Variants in JMJD6 observed in about 807,000 individuals in gnomAD.
The protein encoded by JMJD6 is jumonji domain containing 6, arginine demethylase and lysine hydroxylase, also known as bifunctional arginine demethylase and lysyl-hydroxylase JMJD6.
In JMJD6, 17 loss-of-function variants were observed where a neutral mutation model predicts 45.8. That is an observed-to-expected ratio of 0.37 (90% CI 0.25 to 0.56). JMJD6 has a LOEUF of 0.56. JMJD6 is among the 20% of genes least tolerant of loss of function. JMJD6 has a pLI of 0.79. For missense variants in JMJD6, 470 were observed against 517.5 expected, an observed-to-expected ratio of 0.91 and a Z score of 0.89; for synonymous variants, 221 against 196.3, an observed-to-expected ratio of 1.13 and a Z score of -1.05.
downstream of JMJD6, chr17:76,716,346 C>T (rs1221445527): frequency 3.9e-6 from 1 of 255,876 alleles, no homozygotes; most frequent in Non-Finnish European, 7.7e-6. Flanking sequence ...TTACCGACAT[C>T]CGTGAGGTAA....
rs2076831194 is a variant in JMJD6, at chr17:76,721,996, C to T, written c.806-63G>A. The T allele has an allele frequency of 3.2e-6, 5 of 1,566,242 alleles. No individual in the cohort carries two copies. In the East Asian group the frequency reaches 9.3e-5, roughly 29 times the overall value. On this transcript the variant is annotated intron_variant, in intron 3 of 5. Coordinates refer to ENST00000397625, the MANE Select transcript of JMJD6 (RefSeq NM_015167.3). ...TCCTATACCTAATTACTGTATAACA[C>T]ACACACCAGAAATTGGGAACTCCTA...
In JMJD6 at chr17:76,718,517, G is replaced by A. The variant is rs2076784533; in HGVS notation, c.*212C>T. ...TTCTTGGCACTATTCACATTCTCTT[G>A]CCTGAGTAAAACAAGCCGCGTTTAT... On this transcript the variant is annotated 3_prime_UTR_variant, in exon 6 of 6. Coordinates refer to ENST00000397625, the MANE Select transcript of JMJD6 (RefSeq NM_015167.3). The A allele has an allele frequency of 7.4e-7, 1 of 1,359,208 alleles. No homozygotes were observed. The highest frequency in any genetic ancestry group is 9.4e-7 in the Non-Finnish European group (1 of 1,059,150). The allele number at this position is 1,359,208 out of a possible 1,614,324, so 84.2% of individuals were successfully genotyped here. A position where few individuals can be genotyped will look rare whatever the true frequency, so the allele number is the denominator to read the frequency against.
chr17:76,716,477 G>A, downstream of JMJD6: 1 of 555,930 alleles, frequency 1.8e-6, no homozygotes, highest in Non-Finnish European at 3.2e-6. Context: ...GTTTCACTGA[G>A]CTGGCCGAGC....
At chr17:76,720,610 G>A in intron 4 of JMJD6, 112 bp from the exon 5 acceptor site, 5 of 1,033,776 alleles carry the variant, frequency 4.8e-6, no homozygotes, top group Non-Finnish European at 7.4e-6. Context: ...TGCCAGGTGT[G>A]TCCGTTCAGA....
At chr17:76,720,831 T>C (rs935051027) in intron 4 of JMJD6, among the ~76,000 whole-genome samples, 1 of 152,240 alleles carries the variant, frequency 6.6e-6, no homozygotes, top group Non-Finnish European at 1.5e-5. Flanking sequence ...AAAGTTTCTC[T>C]TCCTAGTTTT....
downstream of JMJD6, chr17:76,714,322 T>A (rs1296866842): frequency 6.6e-6 from 1 of 152,130 alleles, no homozygotes; most frequent in Non-Finnish European, 1.5e-5. Flanking sequence ...AGCTCTTTGG[T>A]TTTAAGATCT....
intron 2 of JMJD6, among the ~76,000 whole-genome samples, chr17:76,724,806 G>A (rs1280454053): frequency 6.6e-6 from 1 of 151,284 alleles, no homozygotes; most frequent in Non-Finnish European, 1.5e-5. Context: ...GACAGAGGGA[G>A]ACTCCATCTC....
downstream of JMJD6, chr17:76,716,769 G>A: frequency 6.2e-7 from 1 of 1,606,774 alleles, no homozygotes; most frequent in Non-Finnish European, 8.5e-7. Flanking sequence ...TAGACAGCAT[G>A]CTGGGTACAA....
At chr17:76,722,084 AAC>A in intron 3 of JMJD6, 151 bp from the exon 4 acceptor site, 1 of 816,276 alleles carries the variant, frequency 1.2e-6, no homozygotes, top group Non-Finnish European at 1.9e-6. Flanking sequence ...AGGGATTGCA[AAC>A]AACTTGTTTG....
intron 1 of JMJD6, 30 bp downstream of exon 1, chr17:76,726,317 G>A: frequency 1.3e-6 from 2 of 1,539,390 alleles, no homozygotes; most frequent in African/African-American, 1.4e-5. Context: ...GCCGATGCCC[G>A]GCCTGGCCAC....
rs767301507 is a variant in JMJD6, at chr17:76,725,572, C to G, written c.413G>C (p.Gly138Ala). 46 of 1,614,010 alleles carry G rather than the reference C, an allele frequency of 2.9e-5. No homozygotes were observed. The highest frequency in any genetic ancestry group is 3.7e-5 in the Non-Finnish European group (44 of 1,180,024). ...SPLYIFDSSYGEHPKRRKLLE... is the reference protein window; with the variant it reads ...SPLYIFDSSYAEHPKRRKLLE... ...AAGTTTCCTTCTTTTAGGGTGTTCA[C>G]CATAGCTGCTGTCAAAGATGTAAAG... The change falls in exon 2 of 6, where the codon GGT becomes GCT. Residue 138 changes from glycine (G) to alanine (A), a missense_variant. Gly to Ala is a moderately conservative substitution (Grantham distance 60). Transcript: ENST00000397625.
downstream of JMJD6, among the ~76,000 whole-genome samples, chr17:76,717,404 A>C (rs915144968): frequency 6.6e-6 from 1 of 152,218 alleles, no homozygotes; most frequent in East Asian, 1.9e-4. Flanking sequence ...CAACCAGCAC[A>C]TCAAAGACCT....
At position 76,726,465 on chromosome 17, in the gene JMJD6, T is replaced by C. The variant is rs1286679357; in HGVS notation, c.11A>G (p.Lys4Arg). Residue 4 changes from lysine (K) to arginine (R), a missense_variant, in exon 1 of 6, where the codon AAG becomes AGG. Around this residue, in one of 4 missense-constraint regions of JMJD6, gnomAD observed 346 missense variants for 339.5 expected, o/e 1.02. Transcript: ENST00000397625. MNH[K>R]SKKRIREAKR... Reference sequence around the variant, plus strand: ...GGCCTCGCGGATGCGCTTCTTGCTCTTGTGGTTCATTCTGCGGGGTCGCCA... The same window carrying C: ...GGCCTCGCGGATGCGCTTCTTGCTCCTGTGGTTCATTCTGCGGGGTCGCCA... 2.5e-6 allele frequency: 4 copies of C among 1,601,912 alleles called. No homozygotes were observed. The highest frequency in any genetic ancestry group is 2.2e-5 in the South Asian group (2 of 89,978).
intron 3 of JMJD6, among the ~76,000 whole-genome samples, chr17:76,723,253 A>G (rs955003321): frequency 1.3e-5 from 2 of 151,936 alleles, no homozygotes; most frequent in African/African-American, 2.4e-5. Flanking sequence ...GCCTGCATAC[A>G]GTTTATCAGG....
At chr17:76,721,575 G>C (rs1490285675) in intron 4 of JMJD6, among the ~76,000 whole-genome samples, 1 of 152,178 alleles carries the variant, frequency 6.6e-6, no homozygotes, top group Non-Finnish European at 1.5e-5. Context: ...TGAGTGGCTT[G>C]GATTCAACAT....
At chr17:76,717,675 T>C (rs191186421), downstream of JMJD6, among the ~76,000 whole-genome samples, 56 of 151,478 alleles carry the variant, frequency 3.7e-4, no homozygotes, top group African/African-American at 1.3e-3. Flanking sequence ...CAGAGAGACT[T>C]TGTCACTACT....
At chr17:76,719,969 T>A (rs2076802273) in intron 5 of JMJD6, among the ~76,000 whole-genome samples, 3 of 152,056 alleles carry the variant, frequency 2.0e-5, no homozygotes, top group Admixed American at 2.0e-4. Flanking sequence ...ATACAGAGTT[T>A]ATAGTCTCTA....
At chr17:76,720,990 G>T (rs1041097006) in intron 4 of JMJD6, among the ~76,000 whole-genome samples, 1 of 152,190 alleles carries the variant, frequency 6.6e-6, no homozygotes, top group Non-Finnish European at 1.5e-5. Context: ...AAATAACAGA[G>T]ATGGTCCCCC....
chr17:76,721,751 G>A, intron 4 of JMJD6, 47 bp downstream of exon 4: 1 of 1,592,248 alleles, frequency 6.3e-7, no homozygotes, highest in South Asian at 1.1e-5. Context: ...TTTATCTCTG[G>A]GGTCGAAATT....
Sources: allele counts gnomAD v4.1 joint callset (sites outside exome capture counted in the v4.1 genomes callset), GRCh38; gene constraint gnomAD v4.1.1; regional missense constraint gnomAD v4.1.1; transcripts MANE v1.5; gene names NCBI Gene and HGNC (gene_info 2026-07-23, HGNC 2026-07-21).